The following C2orf66 variants were observed in gnomAD, a reference collection of about 807,000 sequenced individuals.
C2orf66 encodes chromosome 2 open reading frame 66, also known as uncharacterized protein C2orf66.
In C2orf66, 6 loss-of-function variants were observed where a neutral mutation model predicts 7.0. That is an observed-to-expected ratio of 0.86 (90% CI 0.47 to 1.69). The LOEUF (loss-of-function observed/expected upper bound fraction) is 1.69. Among genes scored for constraint, C2orf66 ranks in the 40% most tolerant of loss-of-function variants. The pLI, the probability that C2orf66 is intolerant of heterozygous loss-of-function variation, is 0.01. For missense variants in C2orf66, 107 were observed against 112.0 expected, an observed-to-expected ratio of 0.96 and a Z score of 0.20; for synonymous variants, 38 against 43.8, an observed-to-expected ratio of 0.87 and a Z score of 0.52.
the C2orf66 span, among the ~76,000 whole-genome samples, chr2:196,823,910 T>C: frequency 1.3e-5 from 2 of 152,304 alleles, no homozygotes; most frequent in Admixed American, 1.3e-4. Context: ...GACTCAGAGA[T>C]ACTTAGATAT....
chr2:196,823,626 CAAACA>C, the C2orf66 span, among the ~76,000 whole-genome samples: 9 of 150,364 alleles, frequency 6.0e-5, no homozygotes, highest in African/African-American at 1.2e-4. Context: ...GACCCTGTCT[CAAACA>C]AAACAAAACA....
At chr2:196,831,238 G>A in the C2orf66 span, among the ~76,000 whole-genome samples, 1 of 152,054 alleles carries the variant, frequency 6.6e-6, no homozygotes, top group South Asian at 2.1e-4. Flanking sequence ...CAGCCTCTGT[G>A]TCTGAGTTTT....
the C2orf66 span, among the ~76,000 whole-genome samples, chr2:196,814,583 C>CA: frequency 1.4e-3 from 217 of 150,316 alleles, 1 homozygote; most frequent in East Asian, 2.5e-3. Context: ...AAAAACAAAT[C>CA]AAAAAAAAAA....
At chr2:196,824,047 A>AT in the C2orf66 span, among the ~76,000 whole-genome samples, 10 of 152,090 alleles carry the variant, frequency 6.6e-5, no homozygotes, top group East Asian at 1.9e-4. Context: ...ATTAGAAACA[A>AT]TTTTTTTTCA....
the C2orf66 span, among the ~76,000 whole-genome samples, chr2:196,814,869 G>A: frequency 6.6e-6 from 1 of 152,100 alleles, no homozygotes; most frequent in South Asian, 2.1e-4. Context: ...TGGACCAAAG[G>A]TAACATACAT....
upstream of C2orf66, among the ~76,000 whole-genome samples, chr2:196,813,116 T>A (rs933188390): frequency 6.6e-6 from 1 of 151,778 alleles, no homozygotes; most frequent in South Asian, 2.1e-4. Flanking sequence ...AGAGCCCACA[T>A]AGCCAAAAAG....
chr2:196,820,793 C>T, the C2orf66 span, among the ~76,000 whole-genome samples: 19 of 152,288 alleles, frequency 1.2e-4, no homozygotes, highest in Middle Eastern at 3.4e-3. Context: ...ACCTTAAATT[C>T]TATCTGAGAA....
chr2:196,828,501 A>G, the C2orf66 span, among the ~76,000 whole-genome samples: 1 of 152,298 alleles, frequency 6.6e-6, no homozygotes, highest in African/African-American at 2.4e-5. Flanking sequence ...CCTCTGGTGT[A>G]TACCTTGTAT....
the C2orf66 span, among the ~76,000 whole-genome samples, chr2:196,830,799 C>G: frequency 3.9e-5 from 6 of 152,284 alleles, no homozygotes; most frequent in East Asian, 5.8e-4. Flanking sequence ...TCTAACCCTC[C>G]TGCTGCCCCT....
At chr2:196,816,307 A>G in the C2orf66 span, among the ~76,000 whole-genome samples, 28 of 152,300 alleles carry the variant, frequency 1.8e-4, no homozygotes, top group African/African-American at 6.5e-4. Context: ...ATAGGGGCTT[A>G]GAGTCAAACG....
chr2:196,831,417 C>G, the C2orf66 span, among the ~76,000 whole-genome samples: 1,202 of 152,300 alleles, frequency 7.9e-3, 9 homozygotes, highest in African/African-American at 0.027. Flanking sequence ...TGGGTCACCT[C>G]TGCTGCCTCC....
At chr2:196,819,964 A>T in the C2orf66 span, among the ~76,000 whole-genome samples, 1 of 152,182 alleles carries the variant, frequency 6.6e-6, no homozygotes, top group Non-Finnish European at 1.5e-5. Context: ...TTGCACACAA[A>T]CCAATAGAGA....
At chr2:196,827,086 A>T in the C2orf66 span, among the ~76,000 whole-genome samples, 1 of 151,382 alleles carries the variant, frequency 6.6e-6, no homozygotes, top group Non-Finnish European at 1.5e-5. Context: ...CTGGGCAACA[A>T]AGGAGGACCC....
At chr2:196,819,932 A>G in the C2orf66 span, among the ~76,000 whole-genome samples, 17 of 152,214 alleles carry the variant, frequency 1.1e-4, no homozygotes, top group African/African-American at 4.1e-4. Flanking sequence ...AGTAAAGTGT[A>G]AATTAATATT....
At chr2:196,814,193 T>C (rs547581104), upstream of C2orf66, among the ~76,000 whole-genome samples, 10 of 152,114 alleles carry the variant, frequency 6.6e-5, no homozygotes, top group South Asian at 2.1e-4. Flanking sequence ...CAATGATAGA[T>C]TGGATAAAGA....
At chr2:196,813,450 C>T (rs866372276), upstream of C2orf66, among the ~76,000 whole-genome samples, 4 of 152,096 alleles carry the variant, frequency 2.6e-5, no homozygotes, top group Non-Finnish European at 2.9e-5. Context: ...AAGACTTAAA[C>T]GTAAGACCTA....
chr2:196,819,452 C>T, the C2orf66 span, among the ~76,000 whole-genome samples: 14 of 152,258 alleles, frequency 9.2e-5, no homozygotes, highest in Middle Eastern at 3.4e-3. Flanking sequence ...AGGATGGCTT[C>T]GCCAGAACCC....
chr2:196,809,115 C>T, intron 1 of C2orf66, 99 bp downstream of exon 1: 1 of 1,265,902 alleles, frequency 7.9e-7, no homozygotes, highest in Admixed American at 2.1e-5. Flanking sequence ...CCCTTGGTAG[C>T]CCCCTTTCCA....
chr2:196,807,430 T>C lies in C2orf66; in HGVS notation c.*13A>G. On this transcript the variant is annotated 3_prime_UTR_variant, in exon 2 of 3. Transcript: ENST00000342506. Reference sequence around the variant, plus strand: ...ATAAAGGGCCAACTTTTACCTGAGCTCAGAAGAAACTTTCAGCCTTTGAGA... The same window carrying C: ...ATAAAGGGCCAACTTTTACCTGAGCCCAGAAGAAACTTTCAGCCTTTGAGA... 1 of 1,600,820 alleles carries C rather than the reference T, an allele frequency of 6.2e-7. No individual in the cohort carries two copies. Among genetic ancestry groups the C allele is most frequent in the Non-Finnish European group, 8.5e-7 (1 of 1,174,842 alleles).
Sources: allele counts gnomAD v4.1 joint callset (sites outside exome capture counted in the v4.1 genomes callset), GRCh38; gene constraint gnomAD v4.1.1; transcripts MANE v1.5; gene names NCBI Gene and HGNC (gene_info 2026-07-23, HGNC 2026-07-21).